Variants in EPHA5 observed in about 807,000 individuals in gnomAD.
EPHA5 encodes EPH receptor A5, also known as ephrin type-A receptor 5.
Under a neutral mutation model 105.0 loss-of-function variants are expected in EPHA5, and 60 were observed. The ratio of observed to expected loss-of-function variants is 0.57; its 90% CI spans 0.46 to 0.71. The LOEUF (loss-of-function observed/expected upper bound fraction) is 0.71, where lower values mean the gene tolerates loss of function less well. Among genes scored for constraint, EPHA5 ranks in the 30% least tolerant of loss-of-function variants. EPHA5 has a pLI of 0.00. For missense variants in EPHA5, 1,218 were observed against 1,274.7 expected, an observed-to-expected ratio of 0.96 and a Z score of 0.68; for synonymous variants, 513 against 449.1, an observed-to-expected ratio of 1.14 and a Z score of -1.80.
At chr4:65,453,071 A>G (rs748712705) in intron 5 of EPHA5, among the ~76,000 whole-genome samples, 1 of 152,144 alleles carries the variant, frequency 6.6e-6, no homozygotes, top group Non-Finnish European at 1.5e-5. Flanking sequence ...TTTGGCAAAT[A>G]TTTGCTTCCA....
intron 5 of EPHA5, among the ~76,000 whole-genome samples, chr4:65,424,923 A>C (rs899987126): frequency 6.6e-6 from 1 of 152,120 alleles, no homozygotes; most frequent in Non-Finnish European, 1.5e-5. Flanking sequence ...CATGATGAAA[A>C]CATGAATCTC....
chr4:65,385,938 C>A (rs1207401173), intron 8 of EPHA5, among the ~76,000 whole-genome samples: 4 of 151,794 alleles, frequency 2.6e-5, no homozygotes, highest in African/African-American at 9.7e-5. Context: ...AAATAATACC[C>A]GTGTAGCTGC....
chr4:65,423,113 T>C (rs1724090060), intron 5 of EPHA5, among the ~76,000 whole-genome samples: 1 of 152,090 alleles, frequency 6.6e-6, no homozygotes, highest in African/African-American at 2.4e-5. Context: ...TTGACACTTT[T>C]GGAGCACACT....
At chr4:65,531,262 C>T (rs1337687410) in intron 3 of EPHA5, among the ~76,000 whole-genome samples, 1 of 151,368 alleles carries the variant, frequency 6.6e-6, no homozygotes, top group Admixed American at 6.6e-5. Flanking sequence ...TGGTCTCGAT[C>T]TCCTGACCTC....
At chr4:65,420,192 C>T (rs1723805883) in intron 6 of EPHA5, among the ~76,000 whole-genome samples, 1 of 152,064 alleles carries the variant, frequency 6.6e-6, no homozygotes, top group African/African-American at 2.4e-5. Flanking sequence ...TCTTTTAATG[C>T]TGTGCAACTC....
At chr4:65,341,940 C>A (rs6816054) in intron 14 of EPHA5, among the ~76,000 whole-genome samples, 2,840 of 152,154 alleles carry the variant, frequency 0.019, 111 homozygotes, top group African/African-American at 0.065. Context: ...TCAGATATAT[C>A]AGTTTTATTC....
At chr4:65,520,829 C>T (rs1277217525) in intron 3 of EPHA5, among the ~76,000 whole-genome samples, 1 of 152,126 alleles carries the variant, frequency 6.6e-6, no homozygotes, top group African/African-American at 2.4e-5. Context: ...AATGAGATAC[C>T]ATCTCACACT....
rs1158748007 is a variant in EPHA5 at position 65,333,137 on chromosome 4, GA to G, written c.2790-1010del. 3.3e-5 allele frequency among the ~76,000 whole-genome samples: 5 copies of G among 151,380 alleles called. No individual in the cohort carries two copies. In the East Asian group the frequency reaches 7.8e-4, roughly 24 times the overall value. Reference sequence around the variant, plus strand: ...GAAATGTATCTTAAGGGAATAATCAGAAAAAAATGGCAAAAGGAAACTAAAT... The same window carrying G: ...GAAATGTATCTTAAGGGAATAATCAGAAAAAATGGCAAAAGGAAACTAAAT... On this transcript the variant is annotated intron_variant, in intron 15 of 16. Transcript: ENST00000613740.
chr4:65,549,001 C>T (rs538789344), intron 3 of EPHA5, among the ~76,000 whole-genome samples: 5 of 152,224 alleles, frequency 3.3e-5, no homozygotes, highest in South Asian at 2.1e-4. Flanking sequence ...GCAGCATTCA[C>T]GAATTAAAGC....
rs145269416 is a variant in EPHA5 at position 65,524,930 on chromosome 4, A to G, written c.911-29387T>C. Among the ~76,000 whole-genome samples, 11 of 151,854 alleles carry G rather than the reference A, an allele frequency of 7.2e-5. No individual in the cohort carries two copies. The East Asian group carries it at 1.7e-3, about 24-fold the overall frequency. ...TTACAAGTATCTCATCCTTCAAAGA[A>G]AGATCTGCTCTGTTCCATAATGACA... On this transcript the variant is annotated intron_variant, in intron 3 of 16. Coordinates refer to ENST00000613740, the MANE Select transcript of EPHA5 (RefSeq NM_001281766.3).
chr4:65,640,989 T>C (rs952912783), intron 2 of EPHA5, among the ~76,000 whole-genome samples: 1 of 152,046 alleles, frequency 6.6e-6, no homozygotes, highest in Non-Finnish European at 1.5e-5. Flanking sequence ...AGAAGAAAAA[T>C]CAGACAATTG....
At chr4:65,549,588 T>C (rs1410478097) in intron 3 of EPHA5, among the ~76,000 whole-genome samples, 1 of 152,114 alleles carries the variant, frequency 6.6e-6, no homozygotes, top group Non-Finnish European at 1.5e-5. Context: ...ACAAATAACA[T>C]TTTTAATATG....
At chr4:65,641,205 A>G (rs1211922833) in intron 2 of EPHA5, among the ~76,000 whole-genome samples, 7 of 152,138 alleles carry the variant, frequency 4.6e-5, no homozygotes, top group African/African-American at 1.7e-4. Context: ...TGATGACTGA[A>G]TTTTGGCTTT....
intron 3 of EPHA5, among the ~76,000 whole-genome samples, chr4:65,543,694 T>C (rs1737076764): frequency 6.6e-6 from 1 of 151,554 alleles, no homozygotes; most frequent in Non-Finnish European, 1.5e-5. Context: ...ACTACTGTTA[T>C]TACATTATTC....
chr4:65,365,139 G>A lies in EPHA5; in HGVS notation c.2051C>T (p.Ala684Val), dbSNP rs2148888772. The A allele has an allele frequency of 6.2e-7, 1 of 1,611,526 alleles. No individual in the cohort carries two copies. Among genetic ancestry groups the A allele is most frequent in the Non-Finnish European group, 8.5e-7 (1 of 1,178,342 alleles). Reference sequence around the variant, plus strand: ...ATAGCCTACTTTAAGGGTTTTGATAGCCACAGGTAATTCTCTTTTTCCTGG... The same window carrying A: ...ATAGCCTACTTTAAGGGTTTTGATAACCACAGGTAATTCTCTTTTTCCTGG... ...KLPGKRELPV[A>V]IKTLKVGYTE... The change falls in exon 11 of 17, where the codon GCT (alanine) becomes GTT (valine). Residue 684 changes from alanine to valine, a missense_variant. Ala to Val is a moderately conservative substitution (Grantham distance 64). Around this residue, in one of 3 missense-constraint regions of EPHA5, gnomAD observed 971 missense variants for 1,013.5 expected, o/e 0.96. Coordinates refer to ENST00000613740, the MANE Select transcript of EPHA5 (RefSeq NM_001281766.3).
intron 7 of EPHA5, among the ~76,000 whole-genome samples, chr4:65,410,851 G>C (rs2349726): frequency 5.1e-4 from 78 of 152,190 alleles, no homozygotes; most frequent in Non-Finnish European, 9.3e-4. Context: ...ATAAAAGGAA[G>C]TGATGCATTT....
rs192260691 is a variant in EPHA5 at position 65,662,598 on chromosome 4, A to T, written c.181+6964T>A. Among the ~76,000 whole-genome samples the T allele has an allele frequency of 1.8e-3, 275 of 152,330 alleles. 1 individual carries two copies. Among genetic ancestry groups the T allele is most frequent in the African/African-American group, 6.5e-3 (272 of 41,574 alleles). Reference sequence around the variant, plus strand: ...AAAAAACAACAACAACAACAAATGTATGAAACAAAATGAACTAGGGATTTA... The same window carrying T: ...AAAAAACAACAACAACAACAAATGTTTGAAACAAAATGAACTAGGGATTTA... On this transcript the variant is annotated intron_variant, in intron 1 of 16. Coordinates refer to ENST00000613740, the MANE Select transcript of EPHA5 (RefSeq NM_001281766.3).
rs869273153 is a variant in EPHA5, at chr4:65,465,539, AAG to A, written c.1402+24836_1402+24837del. ...AGAAAGAAAGAAAGAAAAGAAAGGAAAGGAAGGAAAGGAAGGAAAGGAAGGAA... is the reference window on the plus strand; with the variant it reads ...AGAAAGAAAGAAAGAAAAGAAAGGAAGAAGGAAAGGAAGGAAAGGAAGGAA... On this transcript the variant is annotated intron_variant, in intron 5 of 16. Transcript: ENST00000613740. Among the ~76,000 whole-genome samples the A allele has an allele frequency of 3.8e-4, 25 of 66,042 alleles. 1 individual carries two copies. Among genetic ancestry groups the A allele is most frequent in the Non-Finnish European group, 5.9e-4 (21 of 35,814 alleles). The allele number at this position is 66,042 out of a possible 152,430, so 43.3% of individuals were successfully genotyped here. A position where few individuals can be genotyped will look rare whatever the true frequency, so the allele number is the denominator to read the frequency against.
chr4:65,469,923 A>G (rs1729123420), intron 5 of EPHA5, among the ~76,000 whole-genome samples: 1 of 152,156 alleles, frequency 6.6e-6, no homozygotes. Flanking sequence ...GATAAATAAA[A>G]TAAAAGTTCA....
Sources: gnomAD v4.1 joint callset for allele counts (sites outside exome capture counted in the v4.1 genomes callset) on GRCh38, gnomAD v4.1.1 for gene constraint, gnomAD v4.1.1 regional missense constraint, MANE v1.5 for transcripts, NCBI Gene and HGNC (gene_info 2026-07-23, HGNC 2026-07-21) for gene names.